CCDC170: variants seen among roughly 807,000 people sequenced by gnomAD.
CCDC170 encodes the protein coiled-coil domain-containing protein 170.
In CCDC170, 69 loss-of-function variants were observed where a neutral mutation model predicts 72.6. The observed-to-expected ratio is 0.95, with a 90% confidence interval of 0.78 to 1.16. The LOEUF (loss-of-function observed/expected upper bound fraction) is 1.16, where lower values mean the gene tolerates loss of function less well. Among genes scored for constraint, CCDC170 ranks in the 50% most tolerant of loss-of-function variants. The probability of loss-of-function intolerance (pLI) is 0.00; values close to 1 mark genes in which losing one functional copy is unlikely to be tolerated. For synonymous variants in CCDC170, 300 were observed against 303.9 expected (o/e 0.99, Z 0.13); for missense variants, 852 against 832.5 (o/e 1.02, Z -0.29).
chr6:151,507,951 T>C (rs992988088), intron 1 of CCDC170, among the ~76,000 whole-genome samples: 5 of 151,308 alleles, frequency 3.3e-5, no homozygotes, highest in African/African-American at 7.3e-5. Flanking sequence ...AAAGAAAACA[T>C]TGATAAATAT....
At chr6:151,505,446 G>A (rs1268956675) in intron 1 of CCDC170, among the ~76,000 whole-genome samples, 1 of 152,106 alleles carries the variant, frequency 6.6e-6, no homozygotes, top group Non-Finnish European at 1.5e-5. Context: ...CACTTTGGGA[G>A]GCCGAGGTGG....
At chr6:151,510,175 T>TA (rs1782128614) in intron 1 of CCDC170, among the ~76,000 whole-genome samples, 1 of 152,168 alleles carries the variant, frequency 6.6e-6, no homozygotes, top group African/African-American at 2.4e-5. Flanking sequence ...ACATTCTGAG[T>TA]AAGAGCATGG....
At chr6:151,576,464 T>G (rs1348331649) in intron 6 of CCDC170, among the ~76,000 whole-genome samples, 2 of 152,184 alleles carry the variant, frequency 1.3e-5, no homozygotes, top group African/African-American at 4.8e-5. Flanking sequence ...TTCAAGTAGT[T>G]TCTTAAAACT....
Position 151,618,248 on chromosome 6 carries a change from T to A in CCDC170, c.*101T>A. The A allele has an allele frequency of 9.3e-7, 1 of 1,080,556 alleles. No homozygotes were observed. The highest frequency in any genetic ancestry group is 1.5e-5 in the South Asian group (1 of 65,578). 66.9% of individuals were successfully genotyped at this position (1,080,556 alleles called of 1,614,324 possible). A position where few individuals can be genotyped will look rare whatever the true frequency, so the allele number is the denominator to read the frequency against. On this transcript the variant is annotated 3_prime_UTR_variant, in exon 11 of 11. Coordinates refer to ENST00000239374, the MANE Select transcript of CCDC170 (RefSeq NM_025059.4). ...GAGATTTGATCAGTTTGTGAATATT[T>A]TATGCTTTGATGATATAGTGAGAAT...
chr6:151,557,193 C>T (rs374452938), intron 5 of CCDC170, among the ~76,000 whole-genome samples: 29 of 151,808 alleles, frequency 1.9e-4, no homozygotes, highest in Non-Finnish European at 3.4e-4. Context: ...TGGATCATGA[C>T]GTAAGGAGAC....
intron 5 of CCDC170, among the ~76,000 whole-genome samples, chr6:151,558,404 A>G (rs923108353): frequency 1.3e-5 from 2 of 151,950 alleles, no homozygotes; most frequent in African/African-American, 2.4e-5. Flanking sequence ...TTAGTTTAAT[A>G]TAGTCCCATT....
At chr6:151,603,242 G>C (rs1041504563) in intron 9 of CCDC170, among the ~76,000 whole-genome samples, 5 of 152,048 alleles carry the variant, frequency 3.3e-5, no homozygotes, top group African/African-American at 1.2e-4. Flanking sequence ...TTTGAGTTTG[G>C]CATGTTTAAA....
At position 151,593,213 on chromosome 6, in the gene CCDC170, A is replaced by G. The variant is rs760911963; in HGVS notation, c.1400A>G (p.Gln467Arg). 2 of 1,614,208 alleles carry G rather than the reference A, an allele frequency of 1.2e-6. No individual in the cohort carries two copies. The highest frequency in any genetic ancestry group is 3.3e-5 in the Admixed American group (2 of 60,026). ...RLDVVLARTE[Q>R]LVRLESNAVI... ...GACGTGGTTTTAGCTCGAACAGAGC[A>G]GCTGGTTCGTCTTGAGAGCAATGCA... Residue 467 changes from glutamine (Q) to arginine (R), a missense_variant, in exon 8 of 11, where the codon CAG becomes CGG. By Grantham distance (43) the Gln-to-Arg change is conservative. Transcript: ENST00000239374.
intron 9 of CCDC170, among the ~76,000 whole-genome samples, chr6:151,608,649 G>T (rs374215570): frequency 6.6e-6 from 1 of 152,298 alleles, no homozygotes; most frequent in East Asian, 1.9e-4. Context: ...GTGTGGCTTT[G>T]CTGGGGATGG....
chr6:151,556,659 A>C (rs548749298), intron 5 of CCDC170, among the ~76,000 whole-genome samples: 42 of 152,198 alleles, frequency 2.8e-4, no homozygotes, highest in African/African-American at 7.9e-4. Flanking sequence ...TATTACACGC[A>C]TAGAATGTGT....
At chr6:151,558,530 G>A (rs1392084357) in intron 5 of CCDC170, among the ~76,000 whole-genome samples, 5 of 152,020 alleles carry the variant, frequency 3.3e-5, no homozygotes, top group Non-Finnish European at 7.4e-5. Context: ...TATAGTTTTA[G>A]GTTTAAGTCA....
At chr6:151,499,572 A>T (rs140695661) in intron 1 of CCDC170, among the ~76,000 whole-genome samples, 1 of 118,900 alleles carries the variant, frequency 8.4e-6, no homozygotes, top group East Asian at 2.7e-4. Flanking sequence ...GTATTTGACT[A>T]TTCTAGGCAC....
chr6:151,587,327 G>C, intron 7 of CCDC170, among the ~76,000 whole-genome samples: 1 of 152,036 alleles, frequency 6.6e-6, no homozygotes, highest in East Asian at 1.9e-4. Flanking sequence ...TGAGAGGAAG[G>C]GGAGCGACCT....
chr6:151,505,927 T>C (rs909101760), intron 1 of CCDC170, among the ~76,000 whole-genome samples: 2 of 151,862 alleles, frequency 1.3e-5, no homozygotes, highest in African/African-American at 2.4e-5. Context: ...TGAGACCCCA[T>C]CTCTACAAAA....
intron 7 of CCDC170, among the ~76,000 whole-genome samples, chr6:151,591,752 C>T (rs1380338621): frequency 6.6e-6 from 1 of 152,098 alleles, no homozygotes; most frequent in Non-Finnish European, 1.5e-5. Context: ...TCCTCGGCCT[C>T]CCAAAGTGCT....
At chr6:151,587,701 C>G (rs192835701) in intron 7 of CCDC170, among the ~76,000 whole-genome samples, 6 of 152,078 alleles carry the variant, frequency 3.9e-5, no homozygotes, top group African/African-American at 1.4e-4. Context: ...ACAGGGAGAT[C>G]GGGGCGTAAT....
rs565807038 is a variant in CCDC170, at chr6:151,574,119, G to A, written c.1092+628G>A. Reference sequence around the variant, plus strand: ...TCCCAGCTACCTGGCAGGCTGAAGTGGAAGAATTTCTTGAGCCCACGAGTT... The same window carrying A: ...TCCCAGCTACCTGGCAGGCTGAAGTAGAAGAATTTCTTGAGCCCACGAGTT... On this transcript the variant is annotated intron_variant, in intron 6 of 10. Coordinates refer to ENST00000239374, the MANE Select transcript of CCDC170 (RefSeq NM_025059.4). 2.6e-5 allele frequency among the ~76,000 whole-genome samples: 4 copies of A among 152,332 alleles called. 1 individual carries two copies. In the South Asian group the frequency reaches 6.2e-4, roughly 24 times the overall value.
intron 7 of CCDC170, 66 bp from the exon 8 acceptor site, chr6:151,593,041 A>C (rs1776565963): frequency 6.6e-7 from 1 of 1,521,294 alleles, no homozygotes; most frequent in Admixed American, 1.7e-5. Context: ...AGAGGAAGAG[A>C]TTCTGTGAGA....
At chr6:151,613,286 C>G (rs867786053) in intron 9 of CCDC170, among the ~76,000 whole-genome samples, 11 of 152,218 alleles carry the variant, frequency 7.2e-5, no homozygotes, top group South Asian at 4.2e-4. Flanking sequence ...ACCTGTAATC[C>G]CAGCTACTGG....
Sources: gnomAD v4.1 joint callset for allele counts (sites outside exome capture counted in the v4.1 genomes callset) on GRCh38, gnomAD v4.1.1 for gene constraint, MANE v1.5 for transcripts, NCBI Gene and HGNC (gene_info 2026-07-23, HGNC 2026-07-21) for gene names.